MTF1: variants seen among roughly 807,000 people sequenced by gnomAD.
MTF1 encodes the protein MRE-binding transcription factor.
In MTF1, 22 loss-of-function variants were observed where a neutral mutation model predicts 70.4. The ratio of observed to expected loss-of-function variants is 0.31; its 90% confidence interval spans 0.22 to 0.45. MTF1 has a LOEUF of 0.45. Among genes scored for constraint, MTF1 ranks in the 20% least tolerant of loss-of-function variants. The pLI is 1.00. For missense variants in MTF1, 649 were observed against 922.0 expected, an observed-to-expected ratio of 0.70 and a Z score of 3.83; for synonymous variants, 333 against 352.8, an observed-to-expected ratio of 0.94 and a Z score of 0.63.
intron 9 of MTF1, among the ~76,000 whole-genome samples, chr1:37,819,108 C>T (rs1382926878): frequency 2.0e-5 from 3 of 152,192 alleles, no homozygotes; most frequent in Admixed American, 6.5e-5. Flanking sequence ...ACCAGGAGGG[C>T]GGCCCTCCAG....
In MTF1 at chr1:37,840,195, A is replaced by G. The variant is rs915895616; in HGVS notation, c.409-37T>C. The stretch of plus-strand genomic sequence containing the variant: ...AAGATACCTCATCAACAGGACAAAA[A>G]TGCTGCCCAGGGCTTAACTCCCCCA... On this transcript the variant is annotated intron_variant, in intron 2 of 10. Coordinates refer to ENST00000373036, the MANE Select transcript of MTF1 (RefSeq NM_005955.3). The surrounding 1 kb of genome is among the most constrained non-coding windows in gnomAD (Gnocchi z 4.5). 6.9e-6 allele frequency: 11 copies of G among 1,598,062 alleles called. No homozygotes were observed. The highest frequency in any genetic ancestry group is 8.6e-6 in the Non-Finnish European group (10 of 1,166,376).
At chr1:37,850,566 A>AGAGAGAG (rs1557598730) in intron 2 of MTF1, among the ~76,000 whole-genome samples, 5 of 146,544 alleles carry the variant, frequency 3.4e-5, no homozygotes, top group African/African-American at 1.0e-4. Flanking sequence ...GGGAGAGAGA[A>AGAGAGAG]AGAGAGAGAG....
At position 37,811,714 on chromosome 1, in the gene MTF1, G is replaced by A. The variant is rs979167305; in HGVS notation, c.*3422C>T. 6.6e-6 allele frequency: 1 copy of A among 151,972 alleles called. No homozygotes were observed. The highest frequency in any genetic ancestry group is 2.4e-5 in the African/African-American group (1 of 41,352). 9.4% of individuals were successfully genotyped at this position (151,972 alleles called of 1,614,324 possible). ...CTTGACCCTGAAAATAAAACTCTCC[G>A]ATCTACCAACTATCCCAGAGGTGAA... On this transcript the variant is annotated 3_prime_UTR_variant, in exon 11 of 11. Coordinates refer to ENST00000373036, the MANE Select transcript of MTF1 (RefSeq NM_005955.3).
intron 9 of MTF1, among the ~76,000 whole-genome samples, chr1:37,819,159 G>T (rs1008186363): frequency 6.6e-6 from 1 of 152,184 alleles, no homozygotes; most frequent in South Asian, 2.1e-4. Flanking sequence ...CTCCATAAAT[G>T]TAAGAAATAA....
rs762950480 is a variant in MTF1 at position 37,857,383 on chromosome 1, A to T, written c.276T>A (p.Gly92=). Residue 92 remains glycine (G), a synonymous_variant, in exon 2 of 11, where the codon GGT becomes GGA. Transcript: ENST00000373036. ...HLIDHEAMSQ[G]YVQHIISPDQ... Reference sequence around the variant, plus strand: ...CTGGTGAGATAATGTGCTGCACATAACCCTGGGACATTGCTTCATGATCTA... The same window carrying T: ...CTGGTGAGATAATGTGCTGCACATATCCCTGGGACATTGCTTCATGATCTA... 1 of 1,614,102 alleles carries T rather than the reference A, an allele frequency of 6.2e-7. No individual in the cohort carries two copies. Among genetic ancestry groups the T allele is most frequent in the African/African-American group, 1.3e-5 (1 of 74,928 alleles).
chr1:37,817,050 G>A (rs1295315042), intron 10 of MTF1, among the ~76,000 whole-genome samples: 1 of 152,152 alleles, frequency 6.6e-6, no homozygotes, highest in African/African-American at 2.4e-5. Flanking sequence ...CTCTATATGT[G>A]TCTCTGACCC....
At chr1:37,853,273 T>C (rs901699960) in intron 2 of MTF1, among the ~76,000 whole-genome samples, 5 of 152,190 alleles carry the variant, frequency 3.3e-5, no homozygotes, top group African/African-American at 1.2e-4. Context: ...TCAAAACCCA[T>C]AGAAGGTTAC....
At chr1:37,836,635 T>C (rs973828024) in intron 4 of MTF1, among the ~76,000 whole-genome samples, 2 of 152,248 alleles carry the variant, frequency 1.3e-5, no homozygotes, top group Non-Finnish European at 1.5e-5. Flanking sequence ...TGGATACATC[T>C]GGTATCTGCT....
At chr1:37,853,967 T>A (rs1364282484) in intron 2 of MTF1, among the ~76,000 whole-genome samples, 3 of 152,238 alleles carry the variant, frequency 2.0e-5, no homozygotes, top group African/African-American at 7.2e-5. Context: ...GCTCAAATAT[T>A]GGACTGAAAC....
At chr1:37,858,175 A>C (rs1569895750) in intron 1 of MTF1, among the ~76,000 whole-genome samples, 1 of 152,224 alleles carries the variant, frequency 6.6e-6, no homozygotes, top group Non-Finnish European at 1.5e-5. Flanking sequence ...TGAAAGGCTG[A>C]GTTGCTACAA....
At position 37,815,078 on chromosome 1, in the gene MTF1, T is replaced by C; in HGVS notation, c.*58A>G. 17 of 1,445,668 alleles carry C rather than the reference T, an allele frequency of 1.2e-5. No individual in the cohort carries two copies. The highest frequency in any genetic ancestry group is 3.6e-5 in the South Asian group (3 of 82,390). The allele number at this position is 1,445,668 out of a possible 1,614,324, so 89.6% of individuals were successfully genotyped here. A position where few individuals can be genotyped will look rare whatever the true frequency, so the allele number is the denominator to read the frequency against. ...AATTTCTGACCCATGATGGCAGGCA[T>C]TGTACCTCATGCCTCCTGCTCACCC... On this transcript the variant is annotated 3_prime_UTR_variant, in exon 11 of 11. Coordinates refer to ENST00000373036, the MANE Select transcript of MTF1 (RefSeq NM_005955.3). This position sits in a 1 kb window ranked among gnomAD's most constrained non-coding sequence, Gnocchi z 4.5.
Position 37,815,716 on chromosome 1 carries a change from T to C in MTF1, c.1832-150A>G. On this transcript the variant is annotated intron_variant, in intron 10 of 10. Transcript: ENST00000373036. This position sits in a 1 kb window ranked among gnomAD's most constrained non-coding sequence, Gnocchi z 4.5. ...CTTCGGGCTTCGTTCTGCTTTAAAT[T>C]GGACCACATGCCCTCTGAGGTAAAA... The C allele has an allele frequency of 3.5e-6, 2 of 572,194 alleles. No homozygotes were observed. Among genetic ancestry groups the C allele is most frequent in the Non-Finnish European group, 6.0e-6 (2 of 334,762 alleles). The allele number at this position is 572,194 out of a possible 1,614,324, so 35.4% of individuals were successfully genotyped here.
chr1:37,844,532 T>A (rs1175546531), intron 2 of MTF1, among the ~76,000 whole-genome samples: 2 of 152,276 alleles, frequency 1.3e-5, no homozygotes, highest in African/African-American at 4.8e-5. Flanking sequence ...ACTAAAAACC[T>A]CCTTTGTGCT....
chr1:37,834,413 G>A (rs552477137), intron 6 of MTF1, among the ~76,000 whole-genome samples: 12 of 150,796 alleles, frequency 8.0e-5, no homozygotes, highest in African/African-American at 2.9e-4. Context: ...GGGTGGGGGC[G>A]GCGGGGGTGG....
intron 3 of MTF1, among the ~76,000 whole-genome samples, chr1:37,839,114 A>G (rs888447401): frequency 6.6e-6 from 1 of 152,136 alleles, no homozygotes; most frequent in Non-Finnish European, 1.5e-5. Flanking sequence ...TCCCTTTGTC[A>G]TAAAGTTCTA....
intron 7 of MTF1, among the ~76,000 whole-genome samples, chr1:37,826,906 G>A (rs1641010907): frequency 1.3e-5 from 2 of 152,176 alleles, no homozygotes; most frequent in African/African-American, 4.8e-5. Flanking sequence ...TTGAACCTGG[G>A]AAGTGGAGGT....
chr1:37,843,911 T>C (rs1027250882), intron 2 of MTF1, among the ~76,000 whole-genome samples: 2 of 140,200 alleles, frequency 1.4e-5, no homozygotes, highest in Admixed American at 7.9e-5. Context: ...CACAAGTCTT[T>C]AGGTTCCTTA....
chr1:37,815,224 C>T lies in MTF1; in HGVS notation c.2174G>A (p.Ser725Asn), dbSNP rs774271081. The T allele has an allele frequency of 1.9e-6, 3 of 1,614,148 alleles. No homozygotes were observed. The highest frequency in any genetic ancestry group is 1.7e-6 in the Non-Finnish European group (2 of 1,180,028). ...AATCAGATTGGACGGGGTGTCCAGGCTCTGGAGGGATAGAAACTCTGACAC... is the reference window on the plus strand; with the variant it reads ...AATCAGATTGGACGGGGTGTCCAGGTTCTGGAGGGATAGAAACTCTGACAC... ...MDVSEFLSLQSLDTPSNLIPI... is the reference protein window; with the variant it reads ...MDVSEFLSLQNLDTPSNLIPI... The change falls in exon 11 of 11, where the codon AGC becomes AAC. Residue 725 changes from serine (S) to asparagine (N), a missense_variant. By Grantham distance (46) the Ser-to-Asn change is conservative. Around this residue, in one of 7 missense-constraint regions of MTF1, gnomAD observed 138 missense variants for 134.4 expected, o/e 1.03. Coordinates refer to ENST00000373036, the MANE Select transcript of MTF1 (RefSeq NM_005955.3). This position sits in a 1 kb window ranked among gnomAD's most constrained non-coding sequence, Gnocchi z 4.5.
In MTF1 at chr1:37,828,393, C is replaced by T. The variant is rs1016838190; in HGVS notation, c.1068+3852G>A. Among the ~76,000 whole-genome samples the T allele has an allele frequency of 4.6e-5, 7 of 152,308 alleles. No individual in the cohort carries two copies. The South Asian group carries it at 6.2e-4, about 14-fold the overall frequency. Reference sequence around the variant, plus strand: ...GATTTCAGCTCACTGCAACCTCTGCCGCCACGGTTCAAGTGATTCTCCTGC... The same window carrying T: ...GATTTCAGCTCACTGCAACCTCTGCTGCCACGGTTCAAGTGATTCTCCTGC... On this transcript the variant is annotated intron_variant, in intron 7 of 10. Transcript: ENST00000373036.
Sources: gnomAD v4.1 joint callset for allele counts (sites outside exome capture counted in the v4.1 genomes callset) on GRCh38, gnomAD v4.1.1 for gene constraint, gnomAD v4.1.1 regional missense constraint, Gnocchi (gnomAD v3.1) non-coding constraint, MANE v1.5 for transcripts, NCBI Gene and HGNC (gene_info 2026-07-23, HGNC 2026-07-21) for gene names.